ATAD2B: variants seen among roughly 807,000 people sequenced by gnomAD.
ATAD2B encodes the protein ATPase family AAA domain-containing protein 2B.
ATAD2B carries 40 observed loss-of-function variants against 167.6 expected under a neutral mutation model. The ratio of observed to expected loss-of-function variants is 0.24; its 90% CI spans 0.19 to 0.31. The LOEUF is 0.31. Ranked by LOEUF, ATAD2B falls within the 10% of genes least tolerant of loss-of-function variation. ATAD2B has a pLI of 1.00. For missense variants in ATAD2B, 1,242 were observed against 1,757.2 expected, an observed-to-expected ratio of 0.71 and a Z score of 5.24; for synonymous variants, 579 against 596.5, an observed-to-expected ratio of 0.97 and a Z score of 0.43.
intron 25 of ATAD2B, among the ~76,000 whole-genome samples, chr2:23,755,380 T>C (rs550875950): frequency 1.3e-5 from 2 of 152,302 alleles, no homozygotes; most frequent in East Asian, 3.9e-4. Context: ...GTAATCTAAT[T>C]ACTTTCCTCC....
intron 1 of ATAD2B, among the ~76,000 whole-genome samples, chr2:23,921,205 C>CG (rs560022881): frequency 0.012 from 392 of 32,298 alleles, 3 homozygotes; most frequent in Middle Eastern, 0.12. Context: ...GACTCCATCT[C>CG]AAAAAAAAAA....
In ATAD2B at chr2:23,751,625, G is replaced by GA. The variant is rs924998091; in HGVS notation, c.*420dup. ...ATATGATTAAAGGGGTAAAATGGAG[G>GA]AAAAAAAAATAACAAGTTGCCCACT... On this transcript the variant is annotated 3_prime_UTR_variant, in exon 28 of 28. Coordinates refer to ENST00000238789, the MANE Select transcript of ATAD2B (RefSeq NM_017552.4). 5.5e-4 allele frequency: 89 copies of GA among 163,062 alleles called. No individual in the cohort carries two copies. The highest frequency in any genetic ancestry group is 8.8e-4 in the South Asian group (5 of 5,652). 10.1% of individuals were successfully genotyped at this position (163,062 alleles called of 1,614,324 possible).
At chr2:23,829,988 G>T (rs367747415) in intron 14 of ATAD2B, among the ~76,000 whole-genome samples, 1 of 151,554 alleles carries the variant, frequency 6.6e-6, no homozygotes, top group Non-Finnish European at 1.5e-5. Flanking sequence ...TTCTAAAATA[G>T]TTTTTTTTGT....
In ATAD2B at chr2:23,845,425, A is replaced by G. The variant is rs145700619; in HGVS notation, c.1569-11347T>C. The stretch of plus-strand genomic sequence containing the variant: ...GATGTTCCTCAAAACCATTATACTT[A>G]GCAAAAAAAAGCCAGACACAAGAAA... On this transcript the variant is annotated intron_variant, in intron 13 of 27. Transcript: ENST00000238789. Among the ~76,000 whole-genome samples the G allele has an allele frequency of 1.0e-3, 155 of 152,244 alleles. 1 individual carries two copies. The highest frequency in any genetic ancestry group is 3.5e-3 in the African/African-American group (147 of 41,542).
the ATAD2B span, chr2:23,706,720 C>T: frequency 3.8e-6 from 5 of 1,307,668 alleles, no homozygotes; most frequent in East Asian, 2.8e-5. Flanking sequence ...GCAAGTGCCA[C>T]GCAATGATAA....
downstream of ATAD2B, among the ~76,000 whole-genome samples, chr2:23,743,876 T>A (rs1162752286): frequency 6.6e-6 from 1 of 152,066 alleles, no homozygotes; most frequent in Non-Finnish European, 1.5e-5. Context: ...TCCTTCTGCC[T>A]CAGCCTCCCA....
chr2:23,775,894 G>T (rs1408373640), intron 22 of ATAD2B, among the ~76,000 whole-genome samples: 1 of 152,154 alleles, frequency 6.6e-6, no homozygotes, highest in African/African-American at 2.4e-5. Context: ...AAGGCAGGCA[G>T]ATCACAAGGT....
At chr2:23,739,807 G>C in the ATAD2B span, among the ~76,000 whole-genome samples, 3 of 152,010 alleles carry the variant, frequency 2.0e-5, no homozygotes, top group Non-Finnish European at 4.4e-5. Context: ...CCACTAGCAA[G>C]ACTAATAAAG....
At position 23,925,246 on chromosome 2, in the gene ATAD2B, C is replaced by A. The variant is rs570739969; in HGVS notation, c.216+1309G>T. 4.6e-5 allele frequency among the ~76,000 whole-genome samples: 7 copies of A among 152,188 alleles called. No individual in the cohort carries two copies. The South Asian group carries it at 6.2e-4, about 14-fold the overall frequency. ...TATTTCAACCTAAGAGAGCTGTAAGCCCCCAAAATAGTCTATTAAATAGGA... is the reference window on the plus strand; with the variant it reads ...TATTTCAACCTAAGAGAGCTGTAAGACCCCAAAATAGTCTATTAAATAGGA... On this transcript the variant is annotated intron_variant, in intron 1 of 27. Coordinates refer to ENST00000238789, the MANE Select transcript of ATAD2B (RefSeq NM_017552.4).
At chr2:23,901,449 G>A (rs550318887) in intron 1 of ATAD2B, among the ~76,000 whole-genome samples, 3 of 150,770 alleles carry the variant, frequency 2.0e-5, no homozygotes, top group African/African-American at 7.3e-5. Context: ...CTATACATTT[G>A]GGCACTTGAT....
intron 17 of ATAD2B, among the ~76,000 whole-genome samples, chr2:23,815,308 C>A (rs1176560010): frequency 6.6e-6 from 1 of 151,978 alleles, no homozygotes. Context: ...GAATAGCCTG[C>A]GATGAGACTT....
chr2:23,717,491 G>T, the ATAD2B span, among the ~76,000 whole-genome samples: 3 of 152,044 alleles, frequency 2.0e-5, no homozygotes, highest in East Asian at 5.8e-4. Context: ...GAAAAAAGAG[G>T]TCCAAATAGA....
chr2:23,716,083 AAC>A, the ATAD2B span, among the ~76,000 whole-genome samples: 1 of 152,256 alleles, frequency 6.6e-6, no homozygotes, highest in African/African-American at 2.4e-5. Context: ...ATTAATTTCC[AAC>A]ACTTTCTCAA....
At chr2:23,876,314 T>C (rs1405491153) in intron 7 of ATAD2B, among the ~76,000 whole-genome samples, 1 of 143,382 alleles carries the variant, frequency 7.0e-6, no homozygotes. Flanking sequence ...TTTTCTTTTT[T>C]TTTTTGATAC....
intron 7 of ATAD2B, among the ~76,000 whole-genome samples, chr2:23,878,047 G>GTA (rs1697287647): frequency 1.4e-5 from 1 of 73,382 alleles, no homozygotes; most frequent in Admixed American, 1.8e-4. Context: ...AAAGCAAAAT[G>GTA]TATAAATTGG....
chr2:23,821,314 T>C (rs181828548), intron 16 of ATAD2B, among the ~76,000 whole-genome samples: 1 of 152,256 alleles, frequency 6.6e-6, no homozygotes, highest in Non-Finnish European at 1.5e-5. Context: ...ATGAGGTTTT[T>C]ATGATTTTCT....
At chr2:23,710,994 T>C in the ATAD2B span, among the ~76,000 whole-genome samples, 1 of 152,184 alleles carries the variant, frequency 6.6e-6, no homozygotes. Context: ...ACTGGCTGCG[T>C]GAAGCCTTCA....
chr2:23,845,026 A>G (rs190900700), intron 13 of ATAD2B, among the ~76,000 whole-genome samples: 98 of 152,296 alleles, frequency 6.4e-4, no homozygotes, highest in African/African-American at 2.3e-3. Flanking sequence ...AAATAAAAGC[A>G]TAATTCATTA....
At position 23,924,099 on chromosome 2, in the gene ATAD2B, C is replaced by T. The variant is rs577264661; in HGVS notation, c.216+2456G>A. On this transcript the variant is annotated intron_variant, in intron 1 of 27. Transcript: ENST00000238789. ...TCGGGAGGCTGAGGCAGGAGAATGG[C>T]GTGAACCCCGGGGGGCGGAGCCTGC... Among the ~76,000 whole-genome samples the T allele has an allele frequency of 5.5e-4, 59 of 107,908 alleles. No individual in the cohort carries two copies. The East Asian group carries it at 0.026, about 47-fold the overall frequency. The allele number at this position is 107,908 out of a possible 152,430, so 70.8% of individuals were successfully genotyped here.
Sources: allele counts gnomAD v4.1 joint callset (sites outside exome capture counted in the v4.1 genomes callset), GRCh38; gene constraint gnomAD v4.1.1; transcripts MANE v1.5; gene names NCBI Gene and HGNC (gene_info 2026-07-23, HGNC 2026-07-21).